The following RADIL variants were observed in gnomAD, a reference collection of about 807,000 sequenced individuals.
RADIL encodes the protein Rap associating with DIL domain.
In RADIL, 99 loss-of-function variants were observed where a neutral mutation model predicts 97.6. The observed-to-expected ratio is 1.01, with a 90% confidence interval of 0.86 to 1.20. The LOEUF (loss-of-function observed/expected upper bound fraction) is 1.20, where lower values mean the gene tolerates loss of function less well. Ranked by LOEUF, RADIL falls within the 50% of genes most tolerant of loss-of-function variation. The pLI is 0.00. For synonymous variants in RADIL, 803 were observed against 691.8 expected, an observed-to-expected ratio of 1.16 and a Z score of -2.52; for missense variants, 1,765 against 1,498.9, an observed-to-expected ratio of 1.18 and a Z score of -2.93.
rs1165518950 is a variant in RADIL, at chr7:4,821,313, C to T, written c.1615+1081G>A. On this transcript the variant is annotated intron_variant, in intron 6 of 14. Transcript: ENST00000399583. The surrounding 1 kb of genome is among the most constrained non-coding windows in gnomAD (Gnocchi z 5.2). The stretch of plus-strand genomic sequence containing the variant: ...GACAGCAAGGCCGTTGGGGGCAGAA[C>T]CAAGGCTTCCCATGAGAGGTCTGGC... Among the ~76,000 whole-genome samples the T allele has an allele frequency of 6.6e-6, 1 of 152,196 alleles. No individual in the cohort carries two copies. Among genetic ancestry groups the T allele is most frequent in the Non-Finnish European group, 1.5e-5 (1 of 68,024 alleles).
rs764523661 is a variant in RADIL at position 4,801,687 on chromosome 7, G to GT, written c.2807dup (p.Asn936LysfsTer172). On this transcript the variant is annotated frameshift_variant, in exon 12 of 15. Transcript: ENST00000399583. LOFTEE classifies it high-confidence loss of function. The stretch of plus-strand genomic sequence containing the variant: ...CTGCACCCCGGAGGCCGCTGAGTCC[G>GT]TTCCTCTGCCTCTCTGGGAGCGCTT... 2 of 1,607,050 alleles carry GT rather than the reference G, an allele frequency of 1.2e-6. No homozygotes were observed. Among genetic ancestry groups the GT allele is most frequent in the Admixed American group, 3.4e-5 (2 of 59,432 alleles).
At position 4,814,570 on chromosome 7, in the gene RADIL, G is replaced by C. The variant is rs533650762; in HGVS notation, c.2139+708C>G. 2.4e-4 allele frequency among the ~76,000 whole-genome samples: 37 copies of C among 152,216 alleles called. No homozygotes were observed. The highest frequency in any genetic ancestry group is 1.5e-3 in the Admixed American group (23 of 15,286). On this transcript the variant is annotated intron_variant, in intron 9 of 14. Coordinates refer to ENST00000399583, the MANE Select transcript of RADIL (RefSeq NM_018059.5). This position sits in a 1 kb window ranked among gnomAD's most constrained non-coding sequence, Gnocchi z 4.5. ...GTGAGTGGCTGACTGTGTTGGGAGG[G>C]GGGTGGTGAGCAGCGAGGGAAGCAG...
In RADIL at chr7:4,867,903, A is replaced by C. The variant is rs1180697529; in HGVS notation, c.535+9702T>G. On this transcript the variant is annotated intron_variant, in intron 2 of 14. Transcript: ENST00000399583. This position sits in a 1 kb window ranked among gnomAD's most constrained non-coding sequence, Gnocchi z 4.1. The stretch of plus-strand genomic sequence containing the variant: ...CAGATTGGAAACCCATGGCCACACA[A>C]AGCAGAGAGAAGCTTGGCCCTTTCT... Among the ~76,000 whole-genome samples the C allele has an allele frequency of 6.6e-6, 1 of 152,202 alleles. No homozygotes were observed. Among genetic ancestry groups the C allele is most frequent in the African/African-American group, 2.4e-5 (1 of 41,446 alleles).
At position 4,834,903 on chromosome 7, in the gene RADIL, C is replaced by A; in HGVS notation, c.1120G>T (p.Ala374Ser). ...CACAGCCGGCAGCTCTGCGGCACAG[C>A]CCGGAGGCGCGCCAAGGCCCGGGCG... Reference protein sequence around the residue: ...LPARALARLRAVPQSCRLCGA... With the variant: ...LPARALARLRSVPQSCRLCGA... The change falls in exon 4 of 15, where the codon GCT becomes TCT. Residue 374 changes from alanine to serine, a missense_variant. Physicochemically the swap from Ala to Ser is moderately conservative, Grantham distance 99 (BLOSUM62 1). Coordinates refer to ENST00000399583, the MANE Select transcript of RADIL (RefSeq NM_018059.5). This position sits in a 1 kb window ranked among gnomAD's most constrained non-coding sequence, Gnocchi z 6.0. The A allele has an allele frequency of 1.3e-6, 2 of 1,517,860 alleles. No individual in the cohort carries two copies. The highest frequency in any genetic ancestry group is 1.3e-5 in the South Asian group (1 of 77,486). 94.0% of individuals were successfully genotyped at this position (1,517,860 alleles called of 1,614,324 possible).
intron 14 of RADIL, 34 bp downstream of exon 14, chr7:4,799,596 G>T (rs1404867472): frequency 1.9e-6 from 3 of 1,606,380 alleles, no homozygotes; most frequent in Non-Finnish European, 2.6e-6. Flanking sequence ...GGGCATCTGG[G>T]AGAAGGGGCC....
intron 2 of RADIL, chr7:4,860,860 G>A (rs377259035): frequency 6.2e-7 from 1 of 1,613,904 alleles, no homozygotes; most frequent in Non-Finnish European, 8.5e-7. Context: ...ATGCTGGTGT[G>A]ATGATAGGCA....
Position 4,817,318 on chromosome 7 carries a change from G to A in RADIL, c.1649C>T (p.Thr550Met), listed in dbSNP as rs753252335. The A allele has an allele frequency of 2.9e-5, 47 of 1,612,348 alleles. No homozygotes were observed. Among genetic ancestry groups the A allele is most frequent in the South Asian group, 2.0e-4 (18 of 91,024 alleles). ...CACCGCCATGGCCTCCTCGCTGGCC[G>A]TCAGCGTGCAGGAGAACAGCGATTC... ...SKESLFSCTL[T>M]ASEEAMAVLE... Residue 550 changes from threonine to methionine, a missense_variant, in exon 7 of 15, where the codon ACG becomes ATG. Transcript: ENST00000399583. This position sits in a 1 kb window ranked among gnomAD's most constrained non-coding sequence, Gnocchi z 8.3.
At chr7:4,801,612 G>A in intron 12 of RADIL, 41 bp downstream of exon 12, 2 of 1,547,750 alleles carry the variant, frequency 1.3e-6, no homozygotes, top group Non-Finnish European at 8.7e-7. Flanking sequence ...GCTGTGCGGG[G>A]TCTGGGGTGG....
chr7:4,861,553 A>C, intron 2 of RADIL: 1 of 1,614,048 alleles, frequency 6.2e-7, no homozygotes. Context: ...CAGACTGGGG[A>C]AGACTCTTGC....
chr7:4,882,695 C>T (rs995612416), intron 1 of RADIL, among the ~76,000 whole-genome samples: 1 of 152,160 alleles, frequency 6.6e-6, no homozygotes, highest in South Asian at 2.1e-4. Context: ...AGCCCCAGCC[C>T]GAGCCACGCT....
intron 2 of RADIL, among the ~76,000 whole-genome samples, chr7:4,864,013 T>G (rs184686516): frequency 1.2e-4 from 19 of 152,354 alleles, no homozygotes; most frequent in African/African-American, 4.6e-4. Flanking sequence ...AAAAAATGAT[T>G]TCTTATATTT....
intron 1 of RADIL, among the ~76,000 whole-genome samples, chr7:4,881,554 C>A (rs1345574629): frequency 3.3e-5 from 5 of 151,724 alleles, no homozygotes; most frequent in Non-Finnish European, 7.4e-5. Context: ...TGGTGAAACC[C>A]TGTCTCCACT....
In RADIL at chr7:4,814,266, G is replaced by A. The variant is rs1325916032; in HGVS notation, c.2139+1012C>T. ...AATTCATGTGTTCAATCTGCCACACGTAGGATCCAGACAGCCTCATTTTAC... is the reference window on the plus strand; with the variant it reads ...AATTCATGTGTTCAATCTGCCACACATAGGATCCAGACAGCCTCATTTTAC... On this transcript the variant is annotated intron_variant, in intron 9 of 14. Transcript: ENST00000399583. The surrounding 1 kb of genome is among the most constrained non-coding windows in gnomAD (Gnocchi z 4.5). 1.3e-5 allele frequency among the ~76,000 whole-genome samples: 2 copies of A among 152,182 alleles called. No homozygotes were observed. Among genetic ancestry groups the A allele is most frequent in the Non-Finnish European group, 2.9e-5 (2 of 68,026 alleles).
In RADIL at chr7:4,809,898, G is replaced by A. The variant is rs562324258; in HGVS notation, c.2140-4182C>T. ...GACAGCGTCTTGCTCTGTCACCCAGGCTGGAGTGTGGTGGTGTGATCTCGG... is the reference window on the plus strand; with the variant it reads ...GACAGCGTCTTGCTCTGTCACCCAGACTGGAGTGTGGTGGTGTGATCTCGG... On this transcript the variant is annotated intron_variant, in intron 9 of 14. Coordinates refer to ENST00000399583, the MANE Select transcript of RADIL (RefSeq NM_018059.5). Among the ~76,000 whole-genome samples the A allele has an allele frequency of 2.5e-4, 38 of 152,234 alleles. 1 individual carries two copies. The highest frequency in any genetic ancestry group is 8.7e-4 in the African/African-American group (36 of 41,550).
intron 5 of RADIL, among the ~76,000 whole-genome samples, chr7:4,831,043 C>G (rs111569817): frequency 0.038 from 5,632 of 149,942 alleles, 368 homozygotes; most frequent in African/African-American, 0.13. Context: ...AATACAAAAT[C>G]AGCTGGGCGT....
At chr7:4,846,845 C>G (rs1783587173) in intron 2 of RADIL, among the ~76,000 whole-genome samples, 1 of 152,094 alleles carries the variant, frequency 6.6e-6, no homozygotes, top group African/African-American at 2.4e-5. Context: ...CCGTGCCCAG[C>G]CACAACCACA....
Position 4,867,921 on chromosome 7 carries a change from C to T in RADIL, c.535+9684G>A, listed in dbSNP as rs1784165805. On this transcript the variant is annotated intron_variant, in intron 2 of 14. Coordinates refer to ENST00000399583, the MANE Select transcript of RADIL (RefSeq NM_018059.5). This position sits in a 1 kb window ranked among gnomAD's most constrained non-coding sequence, Gnocchi z 4.1. ...CCACACAAAGCAGAGAGAAGCTTGG[C>T]CCTTTCTCTGCACTTACTTGTTCCC... 2.0e-5 allele frequency among the ~76,000 whole-genome samples: 3 copies of T among 152,192 alleles called. No individual in the cohort carries two copies. Among genetic ancestry groups the T allele is most frequent in the African/African-American group, 7.2e-5 (3 of 41,444 alleles).
At chr7:4,870,054 C>T (rs1021839347) in intron 2 of RADIL, among the ~76,000 whole-genome samples, 3 of 152,168 alleles carry the variant, frequency 2.0e-5, no homozygotes, top group Non-Finnish European at 2.9e-5. Flanking sequence ...GTGGGAGGAT[C>T]GCTTGGGCCC....
chr7:4,806,104 C>G (rs1353225068), intron 9 of RADIL: 2 of 948,996 alleles, frequency 2.1e-6, no homozygotes, highest in Non-Finnish European at 2.5e-6. Context: ...GCCTGGAAGG[C>G]AGGGACATTC....
Sources: gnomAD v4.1 joint callset for allele counts (sites outside exome capture counted in the v4.1 genomes callset) on GRCh38, gnomAD v4.1.1 for gene constraint, Gnocchi (gnomAD v3.1) non-coding constraint, MANE v1.5 for transcripts, NCBI Gene and HGNC (gene_info 2026-07-23, HGNC 2026-07-21) for gene names.